The following LYST variants were observed in gnomAD, a reference collection of about 807,000 sequenced individuals.
LYST encodes the protein lysosomal-trafficking regulator.
In LYST, 192 loss-of-function variants were observed where a neutral mutation model predicts 413.6. The observed-to-expected ratio is 0.46, with a 90% CI of 0.41 to 0.52. LYST has a LOEUF of 0.52. Among genes scored for constraint, LYST ranks in the 20% least tolerant of loss-of-function variants. The probability of loss-of-function intolerance (pLI) is 0.00; values close to 1 mark genes in which losing one functional copy is unlikely to be tolerated. For missense variants in LYST, 3,815 were observed against 4,499.9 expected, an observed-to-expected ratio of 0.85 and a Z score of 4.35; for synonymous variants, 1,525 against 1,567.3, an observed-to-expected ratio of 0.97 and a Z score of 0.64.
At chr1:235,721,279 A>AGATCTGGTATATTTTCCT (rs1239472276) in intron 39 of LYST, among the ~76,000 whole-genome samples, 2 of 152,264 alleles carry the variant, frequency 1.3e-5, no homozygotes, top group African/African-American at 2.4e-5. Flanking sequence ...TGAATTGGAC[A>AGATCTGGTATATTTTCCT]GATCTGGTAT....
At chr1:235,738,672 G>T (rs1400810661) in intron 31 of LYST, 1 of 1,607,228 alleles carries the variant, frequency 6.2e-7, no homozygotes, top group South Asian at 1.1e-5. Context: ...CATAGATAAG[G>T]AACAGTGGAA....
chr1:235,718,553 C>T (rs961682132), intron 40 of LYST, among the ~76,000 whole-genome samples: 1 of 152,062 alleles, frequency 6.6e-6, no homozygotes, highest in Non-Finnish European at 1.5e-5. Context: ...TGAGCCACTG[C>T]GCCCAGCTTA....
intron 21 of LYST, among the ~76,000 whole-genome samples, chr1:235,765,229 C>A (rs954970098): frequency 9.2e-5 from 14 of 152,124 alleles, no homozygotes; most frequent in Non-Finnish European, 1.5e-4. Flanking sequence ...AGCCATTATC[C>A]TTTTTCCTTA....
Position 235,746,516 on chromosome 1 carries a change from A to G in LYST, c.7792T>C (p.Phe2598Leu), listed in dbSNP as rs375881446. Reference sequence around the variant, plus strand: ...AGCGATTCAGTTTGAGCAAGGGGAAATTTTCGAGGACCTTTAAAAGTATAT... The same window carrying G: ...AGCGATTCAGTTTGAGCAAGGGGAAGTTTTCGAGGACCTTTAAAAGTATAT... ...KRKSIAGPRK[F>L]PLAQTESLLM... Residue 2598 changes from phenylalanine (F) to leucine (L), a missense_variant, in exon 29 of 53, where the codon TTT becomes CTT. This residue lies in a region of LYST where 771 missense variants were observed against 837.1 expected (regional missense o/e 0.92). Coordinates refer to ENST00000389793, the MANE Select transcript of LYST (RefSeq NM_000081.4). 4.2e-5 allele frequency: 68 copies of G among 1,612,272 alleles called. No homozygotes were observed. Among genetic ancestry groups the G allele is most frequent in the Non-Finnish European group, 5.5e-5 (65 of 1,178,746 alleles).
intron 4 of LYST, 106 bp from the exon 5 acceptor site, chr1:235,810,640 C>T (rs1232930910): frequency 9.8e-7 from 1 of 1,025,520 alleles, no homozygotes; most frequent in Non-Finnish European, 1.5e-6. Flanking sequence ...AGGAGTTTAT[C>T]CTCAATGTAT....
Position 235,808,562 on chromosome 1 carries a change from T to G in LYST, c.2256A>C (p.Leu752=), listed in dbSNP as rs1165616001. 6.2e-7 allele frequency: 1 copy of G among 1,613,844 alleles called. No homozygotes were observed. The highest frequency in any genetic ancestry group is 8.5e-7 in the Non-Finnish European group (1 of 1,179,906). Residue 752 remains leucine (L), a synonymous_variant, in exon 5 of 53, where the codon CTA becomes CTC. Coordinates refer to ENST00000389793, the MANE Select transcript of LYST (RefSeq NM_000081.4). Reference sequence around the variant, plus strand: ...CATGACTTTGAGCTGAAGTAACGCTTAGGTGTTGACAATGATGTGCTAATT... The same window carrying G: ...CATGACTTTGAGCTGAAGTAACGCTGAGGTGTTGACAATGATGTGCTAATT... ...GVELAHHCQH[L]SVTSAQSHVC... is the part of the protein sequence containing the mutation.
At chr1:235,763,573 C>T (rs951292357) in intron 21 of LYST, among the ~76,000 whole-genome samples, 8 of 152,158 alleles carry the variant, frequency 5.3e-5, no homozygotes, top group Admixed American at 5.2e-4. Flanking sequence ...GCCTCAGCCT[C>T]CCGAGTAGCT....
rs149344884 is a variant in LYST at position 235,673,677 on chromosome 1, G to A, written c.11038+3414C>T. Among the ~76,000 whole-genome samples, 106 of 152,216 alleles carry A rather than the reference G, an allele frequency of 7.0e-4. 1 individual carries two copies. In the East Asian group the frequency reaches 8.1e-3, roughly 12 times the overall value. Reference sequence around the variant, plus strand: ...CTTCTATGGTCTAGGAGAAAATGCCGTTAGAAAGGACTCTACAGGCTTCTT... The same window carrying A: ...CTTCTATGGTCTAGGAGAAAATGCCATTAGAAAGGACTCTACAGGCTTCTT... On this transcript the variant is annotated intron_variant, in intron 50 of 52. Transcript: ENST00000389793.
rs1222949575 is a variant in LYST, at chr1:235,843,922, T to G, written c.-97-10255A>C. On this transcript the variant is annotated intron_variant, in intron 1 of 52. Coordinates refer to ENST00000389793, the MANE Select transcript of LYST (RefSeq NM_000081.4). ...TCCCTTTTAAAGTAACACTACGTGC[T>G]TGCCTAATTTTCTCAATTCAATAGT... Among the ~76,000 whole-genome samples the G allele has an allele frequency of 3.3e-5, 5 of 152,348 alleles. No individual in the cohort carries two copies. In the East Asian group the frequency reaches 9.6e-4, roughly 29 times the overall value.
At chr1:235,797,451 C>T (rs1037086027) in intron 10 of LYST, among the ~76,000 whole-genome samples, 2 of 152,090 alleles carry the variant, frequency 1.3e-5, no homozygotes, top group South Asian at 4.1e-4. Context: ...TATTATCTTC[C>T]TCTCAAAAGT....
In LYST at chr1:235,801,423, CT is replaced by C. The variant is rs377282669; in HGVS notation, c.3713-327del. 4.0e-5 allele frequency among the ~76,000 whole-genome samples: 6 copies of C among 151,576 alleles called. No homozygotes were observed. The South Asian group carries it at 8.3e-4, about 21-fold the overall frequency. ...CCTATTCAAACTTTCTGACCCCCCC[CT>C]CAAATACCTAAATCACAGAGCAGTT... is the stretch of plus-strand genomic sequence containing the variant. On this transcript the variant is annotated intron_variant, in intron 8 of 52. Coordinates refer to ENST00000389793, the MANE Select transcript of LYST (RefSeq NM_000081.4).
rs80338651 is a variant in LYST at position 235,806,051 on chromosome 1, G to A, written c.3085C>T (p.Gln1029Ter). The A allele has an allele frequency of 6.2e-7, 1 of 1,613,764 alleles. No individual in the cohort carries two copies. Among genetic ancestry groups the A allele is most frequent in the Non-Finnish European group, 8.5e-7 (1 of 1,179,862 alleles). ...NENQDLNRISQPKRTMKEDLL... is the reference protein window; with the variant it reads ...NENQDLNRIS ...TCTTCCTTCATAGTTCTCTTAGGTT[G>A]AGAAATTCTGTTTAAATCCTGGTTT... The change falls in exon 6 of 53, where the codon CAA becomes TAA. Residue 1029 changes from glutamine to a stop codon, truncating the protein, a stop_gained. Transcript: ENST00000389793. LOFTEE classifies it high-confidence loss of function.
At chr1:235,711,258 G>GGCAGGTGCCCCAAATT (rs369150442) in intron 43 of LYST, among the ~76,000 whole-genome samples, 2,498 of 152,202 alleles carry the variant, frequency 0.016, 28 homozygotes, top group Admixed American at 0.024. Context: ...AAAGCTTCAA[G>GGCAGGTGCCCCAAATT]GCAGGTGCCC....
At chr1:235,788,958 C>A in intron 12 of LYST, 113 bp from the exon 13 acceptor site, 1 of 940,712 alleles carries the variant, frequency 1.1e-6, no homozygotes. Flanking sequence ...GGTTATCTAC[C>A]CAGAATGTCT....
At chr1:235,717,461 T>C (rs896486347) in intron 40 of LYST, among the ~76,000 whole-genome samples, 2 of 152,132 alleles carry the variant, frequency 1.3e-5, no homozygotes, top group Non-Finnish European at 2.9e-5. Flanking sequence ...TTCTCATCCC[T>C]CCAGGAATGA....
chr1:235,712,877 G>T, intron 42 of LYST: 1 of 985,138 alleles, frequency 1.0e-6, no homozygotes, highest in Non-Finnish European at 1.2e-6. Flanking sequence ...TGCCAACAAT[G>T]ATCAGACTTT....
At chr1:235,762,315 T>C (rs1024530969) in intron 22 of LYST, among the ~76,000 whole-genome samples, 3 of 152,190 alleles carry the variant, frequency 2.0e-5, no homozygotes, top group Non-Finnish European at 4.4e-5. Flanking sequence ...GACAGATGCA[T>C]GCAGAGCGGT....
intron 21 of LYST, among the ~76,000 whole-genome samples, chr1:235,764,782 C>T (rs1380175392): frequency 6.6e-6 from 1 of 152,014 alleles, no homozygotes; most frequent in East Asian, 1.9e-4. Context: ...GGATTACAGG[C>T]GTGAGCCACC....
chr1:235,755,895 G>A (rs551018815), intron 24 of LYST, among the ~76,000 whole-genome samples: 2 of 152,208 alleles, frequency 1.3e-5, no homozygotes, highest in South Asian at 4.1e-4. Flanking sequence ...ATTTTTAGCT[G>A]AGCATGGACA....
Sources: allele counts gnomAD v4.1 joint callset (sites outside exome capture counted in the v4.1 genomes callset), GRCh38; gene constraint gnomAD v4.1.1; regional missense constraint gnomAD v4.1.1; transcripts MANE v1.5; gene names NCBI Gene and HGNC (gene_info 2026-07-23, HGNC 2026-07-21).